Variants in RREB1 observed in about 807,000 individuals in gnomAD.
The protein encoded by RREB1 is ras-responsive element-binding protein 1.
A neutral mutation model predicts 117.8 loss-of-function variants in RREB1; 27 were observed. The ratio of observed to expected loss-of-function variants is 0.23; its 90% CI spans 0.17 to 0.32. RREB1 has a LOEUF of 0.32. Ranked by LOEUF, RREB1 falls within the 10% of genes least tolerant of loss-of-function variation. The pLI, the probability that RREB1 is intolerant of heterozygous loss-of-function variation, is 1.00. For synonymous variants in RREB1, 1,298 were observed against 1,026.7 expected (o/e 1.26, Z -5.05); for missense variants, 2,577 against 2,378.2 (o/e 1.08, Z -1.74).
chr6:7,161,701 C>G (rs1039218649), intron 1 of RREB1, among the ~76,000 whole-genome samples: 1 of 152,088 alleles, frequency 6.6e-6, no homozygotes, highest in African/African-American at 2.4e-5. Context: ...ACTTGATAAC[C>G]ATCCATGCTC....
At chr6:7,177,506 G>C (rs970682588) in intron 2 of RREB1, among the ~76,000 whole-genome samples, 1 of 151,896 alleles carries the variant, frequency 6.6e-6, no homozygotes, top group African/African-American at 2.4e-5. Flanking sequence ...GCTGATTCCA[G>C]TTGGAAGAGA....
At chr6:7,153,413 T>TACACACACACACACACACACACAC (rs57110705) in intron 1 of RREB1, among the ~76,000 whole-genome samples, 12 of 145,724 alleles carry the variant, frequency 8.2e-5, no homozygotes, top group African/African-American at 3.1e-4. Flanking sequence ...AGTAGTGGTA[T>TACACACACACACACACACACACAC]ACACACACAC....
At chr6:7,226,170 C>T (rs1391626688) in intron 8 of RREB1, among the ~76,000 whole-genome samples, 1 of 152,166 alleles carries the variant, frequency 6.6e-6, no homozygotes, top group African/African-American at 2.4e-5. Context: ...GCCATGGTGG[C>T]TTCAGGATCC....
At chr6:7,170,994 T>TAA (rs895788610) in intron 1 of RREB1, among the ~76,000 whole-genome samples, 4 of 152,160 alleles carry the variant, frequency 2.6e-5, no homozygotes, top group African/African-American at 9.7e-5. Flanking sequence ...GCATTTCTAA[T>TAA]AAAGGGCTGG....
At chr6:7,116,457 A>G (rs1246633148) in intron 1 of RREB1, among the ~76,000 whole-genome samples, 3 of 152,154 alleles carry the variant, frequency 2.0e-5, no homozygotes, top group Non-Finnish European at 4.4e-5. Context: ...GTTGTAATTT[A>G]TCTCTTAACA....
rs549449144 is a variant in RREB1, at chr6:7,144,125, G to A, written c.-284-32530G>A. On this transcript the variant is annotated intron_variant, in intron 1 of 12. Coordinates refer to ENST00000379938, the MANE Select transcript of RREB1 (RefSeq NM_001003699.4). ...TCCAAATTTTCCTTTAAATTGGGTT[G>A]AAGTTAGAAAGTTTTATTATTTCCT... 3.3e-5 allele frequency among the ~76,000 whole-genome samples: 5 copies of A among 151,744 alleles called. No homozygotes were observed. The East Asian group carries it at 9.7e-4, about 29-fold the overall frequency.
intron 10 of RREB1, among the ~76,000 whole-genome samples, chr6:7,233,198 C>T (rs1244410212): frequency 6.6e-6 from 1 of 152,066 alleles, no homozygotes; most frequent in Non-Finnish European, 1.5e-5. Context: ...ACCTGGCCTG[C>T]CCAAAAATAT....
chr6:7,200,141 C>G (rs1765870563), intron 6 of RREB1, among the ~76,000 whole-genome samples: 1 of 149,520 alleles, frequency 6.7e-6, no homozygotes, highest in African/African-American at 2.5e-5. Context: ...GTGTTTTTTT[C>G]TTTTCTAATA....
At chr6:7,168,853 C>T (rs1764080977) in intron 1 of RREB1, among the ~76,000 whole-genome samples, 1 of 151,600 alleles carries the variant, frequency 6.6e-6, no homozygotes, top group South Asian at 2.1e-4. Context: ...TCAGACAACC[C>T]CAGGCTAGAC....
rs1267181848 is a variant in RREB1, at chr6:7,246,632, T to A, written c.4182T>A (p.His1394Gln). 6.4e-7 allele frequency: 1 copy of A among 1,570,890 alleles called. No homozygotes were observed. Among genetic ancestry groups the A allele is most frequent in the Non-Finnish European group, 8.6e-7 (1 of 1,158,384 alleles). Residue 1394 changes from histidine to glutamine, a missense_variant, in exon 12 of 13, where the codon CAT (histidine) becomes CAA (glutamine). Transcript: ENST00000379938. ...AGAGCCATGAGCCGGAGGAGGAGCA[T>A]GGCACTGAGGAGAGCACTGGGGACG... ...RGESHEPEEE[H>Q]GTEESTGDAD...
chr6:7,232,450 A>G (rs1768056827), intron 10 of RREB1, among the ~76,000 whole-genome samples: 1 of 152,214 alleles, frequency 6.6e-6, no homozygotes, highest in Admixed American at 6.5e-5. Context: ...TCAGTTCACT[A>G]AGGCAGTCAC....
intron 6 of RREB1, among the ~76,000 whole-genome samples, chr6:7,195,004 A>AAAGCACTT (rs1247395285): frequency 1.3e-5 from 2 of 152,334 alleles, no homozygotes; most frequent in South Asian, 4.1e-4. Flanking sequence ...TACTACATGC[A>AAAGCACTT]AAGCACTTGG....
intron 11 of RREB1, among the ~76,000 whole-genome samples, 153 bp downstream of exon 11, chr6:7,240,755 C>T (rs1036939451): frequency 6.6e-6 from 1 of 152,094 alleles, no homozygotes; most frequent in African/African-American, 2.4e-5. Context: ...AAAGGCAGGC[C>T]CTGCTGATGA....
At chr6:7,234,554 A>C (rs1035082169) in intron 10 of RREB1, among the ~76,000 whole-genome samples, 2 of 152,264 alleles carry the variant, frequency 1.3e-5, no homozygotes, top group Non-Finnish European at 2.9e-5. Context: ...TCTGAAACTG[A>C]GCAAGAAAGC....
chr6:7,229,665 C>T lies in RREB1; in HGVS notation c.1566C>T (p.Ser522=), dbSNP rs1767797639. 1.9e-6 allele frequency: 3 copies of T among 1,611,534 alleles called. No homozygotes were observed. The highest frequency in any genetic ancestry group is 3.3e-5 in the Admixed American group (2 of 59,900). ...LVTPRTVVAT[S]TPPPLINAQQ... Reference sequence around the variant, plus strand: ...CACCACGGACGGTGGTGGCCACCTCCACGCCCCCGCCTCTCATCAACGCCC... The same window carrying T: ...CACCACGGACGGTGGTGGCCACCTCTACGCCCCCGCCTCTCATCAACGCCC... The change falls in exon 10 of 13, where the codon TCC becomes TCT. Residue 522 remains serine (S), a synonymous_variant. Coordinates refer to ENST00000379938, the MANE Select transcript of RREB1 (RefSeq NM_001003699.4). This position sits in a 1 kb window ranked among gnomAD's most constrained non-coding sequence, Gnocchi z 4.5.
At chr6:7,167,750 C>T (rs1190124705) in intron 1 of RREB1, among the ~76,000 whole-genome samples, 1 of 152,174 alleles carries the variant, frequency 6.6e-6, no homozygotes, top group Non-Finnish European at 1.5e-5. Flanking sequence ...CCAGGGACTA[C>T]CTGGAATGTT....
In RREB1 at chr6:7,249,099, G is replaced by GAGAC; in HGVS notation, c.*134_*135insCAGA. On this transcript the variant is annotated 3_prime_UTR_variant, in exon 13 of 13. Coordinates refer to ENST00000379938, the MANE Select transcript of RREB1 (RefSeq NM_001003699.4). The stretch of plus-strand genomic sequence containing the variant: ...AGAGAGAGAGAGAGAGAGAGAGAGA[G>GAGAC]AGAGACAAGCAGGAGCGTGGCTGCT... 1 of 587,912 alleles carries GAGAC rather than the reference G, an allele frequency of 1.7e-6. No homozygotes were observed. Among genetic ancestry groups the GAGAC allele is most frequent in the Non-Finnish European group, 2.8e-6 (1 of 361,034 alleles). 36.4% of individuals were successfully genotyped at this position (587,912 alleles called of 1,614,324 possible). A position where few individuals can be genotyped will look rare whatever the true frequency, so the allele number is the denominator to read the frequency against.
chr6:7,196,131 C>A (rs572773742), intron 6 of RREB1, among the ~76,000 whole-genome samples: 2 of 152,232 alleles, frequency 1.3e-5, no homozygotes, highest in South Asian at 2.1e-4. Context: ...GCACACTCTT[C>A]CAGATGAGCC....
chr6:7,206,645 A>T (rs760302879), intron 6 of RREB1, among the ~76,000 whole-genome samples: 1 of 152,154 alleles, frequency 6.6e-6, no homozygotes, highest in Non-Finnish European at 1.5e-5. Context: ...TGATATCTTC[A>T]GCTACTGCTG....
Sources: gnomAD v4.1 joint callset for allele counts (sites outside exome capture counted in the v4.1 genomes callset) on GRCh38, gnomAD v4.1.1 for gene constraint, Gnocchi (gnomAD v3.1) non-coding constraint, MANE v1.5 for transcripts, NCBI Gene and HGNC (gene_info 2026-07-23, HGNC 2026-07-21) for gene names.